The following DEPDC4 variants were observed in gnomAD, a reference collection of about 807,000 sequenced individuals.
DEPDC4 encodes the protein DEP domain-containing protein 4.
Under a neutral mutation model 52.0 loss-of-function variants are expected in DEPDC4, and 52 were observed. The observed-to-expected ratio is 1.00, with a 90% CI of 0.80 to 1.26. The LOEUF is 1.26. DEPDC4 is among the 50% of genes most tolerant of loss of function. The pLI is 0.00. For synonymous variants in DEPDC4, 201 were observed against 196.8 expected (o/e 1.02, Z -0.18); for missense variants, 530 against 546.9 (o/e 0.97, Z 0.31).
chr12:100,243,154 GTCTC>G (rs939925117), intron 8 of DEPDC4, among the ~76,000 whole-genome samples: 1 of 151,940 alleles, frequency 6.6e-6, no homozygotes, highest in Non-Finnish European at 1.5e-5. Flanking sequence ...TGTGAATGTG[GTCTC>G]TCTTTCTTAA....
chr12:100,242,756 A>G (rs2096165187), intron 8 of DEPDC4, among the ~76,000 whole-genome samples, 187 bp from the exon 9 acceptor site: 1 of 152,190 alleles, frequency 6.6e-6, no homozygotes, highest in South Asian at 2.1e-4. Flanking sequence ...GCATACTTCT[A>G]GCATTTCTTC....
the DEPDC4 span, among the ~76,000 whole-genome samples, chr12:100,281,268 A>T: frequency 6.6e-6 from 1 of 151,970 alleles, no homozygotes; most frequent in Non-Finnish European, 1.5e-5. Flanking sequence ...AGCTCAAGTG[A>T]TCCACCTCCA....
At position 100,241,535 on chromosome 12, in the gene DEPDC4, CAAAATA is replaced by C. The variant is rs142074372; in HGVS notation, c.*351_*356del. ...CAACATAATAGGACCCCTGTCTCTA[CAAAATA>C]AAAATAAAAAATAAAACACTTAAAA... On this transcript the variant is annotated 3_prime_UTR_variant, in exon 10 of 10. Coordinates refer to ENST00000550587, the MANE Select transcript of DEPDC4 (RefSeq NM_001364818.2). The C allele has an allele frequency of 6.5e-4, 386 of 590,608 alleles. 1 individual carries two copies. The African/African-American group carries it at 7.4e-3, about 11-fold the overall frequency. The allele number at this position is 590,608 out of a possible 1,614,324, so 36.6% of individuals were successfully genotyped here.
At chr12:100,281,746 A>G in the DEPDC4 span, among the ~76,000 whole-genome samples, 3 of 151,184 alleles carry the variant, frequency 2.0e-5, no homozygotes, top group Non-Finnish European at 4.4e-5. Flanking sequence ...AGGCAGGAGA[A>G]TGGCGTGAAC....
Position 100,253,570 on chromosome 12 carries a change from C to T in DEPDC4, c.1024G>A (p.Ala342Thr), listed in dbSNP as rs901799341. ...TCTCTCTCTTGAGCATAGTATTTTG[C>T]TATGACATCAAAGAGTATCTTCTTC... ...SQKKILFDVI[A>T]KYYAQERDCL... Residue 342 changes from alanine to threonine, a missense_variant, in exon 5 of 10, where the codon GCA becomes ACA. Transcript: ENST00000550587. The T allele has an allele frequency of 2.0e-5, 26 of 1,288,916 alleles. No individual in the cohort carries two copies. The highest frequency in any genetic ancestry group is 2.5e-5 in the Non-Finnish European group (25 of 988,414). The allele number at this position is 1,288,916 out of a possible 1,614,324, so 79.8% of individuals were successfully genotyped here.
At position 100,247,694 on chromosome 12, in the gene DEPDC4, A is replaced by G. The variant is rs559794098; in HGVS notation, c.1453+1206T>C. On this transcript the variant is annotated intron_variant, in intron 8 of 9. Transcript: ENST00000550587. Reference sequence around the variant, plus strand: ...AAAGATTCTAAGTACTAGTTTCAGAATACTTCATTAGTATCATTGTTTAAT... The same window carrying G: ...AAAGATTCTAAGTACTAGTTTCAGAGTACTTCATTAGTATCATTGTTTAAT... Among the ~76,000 whole-genome samples the G allele has an allele frequency of 2.0e-5, 3 of 152,344 alleles. No individual in the cohort carries two copies. In the South Asian group the frequency reaches 6.2e-4, roughly 32 times the overall value.
At chr12:100,251,690 C>T (rs2096208635) in intron 7 of DEPDC4, among the ~76,000 whole-genome samples, 2 of 152,132 alleles carry the variant, frequency 1.3e-5, no homozygotes, top group South Asian at 4.1e-4. Context: ...GCCTCAGCCT[C>T]CTGAGTAGCT....
intron 8 of DEPDC4, among the ~76,000 whole-genome samples, chr12:100,244,115 A>G (rs1371706703): frequency 8.6e-6 from 1 of 116,202 alleles, no homozygotes; most frequent in Non-Finnish European, 1.7e-5. Context: ...ATATATATAT[A>G]TATATATATA....
chr12:100,244,424 A>G (rs11613015), intron 8 of DEPDC4, among the ~76,000 whole-genome samples: 2,169 of 150,776 alleles, frequency 0.014, 19 homozygotes, highest in Non-Finnish European at 0.021. Flanking sequence ...CTTGTGATCC[A>G]CCCGCCTCGG....
rs2096260986 is a variant in DEPDC4 at position 100,263,477 on chromosome 12, G to A, written c.554+20C>T. ...TAGGGTCTAAATAAAATATATTACA[G>A]TATCTTAGGTAACACTAACCTCAAG... On this transcript the variant is annotated intron_variant, in intron 2 of 9. Transcript: ENST00000550587. The A allele has an allele frequency of 6.5e-7, 1 of 1,529,306 alleles. No homozygotes were observed. Among genetic ancestry groups the A allele is most frequent in the Non-Finnish European group, 8.8e-7 (1 of 1,140,598 alleles). The allele number at this position is 1,529,306 out of a possible 1,614,324, so 94.7% of individuals were successfully genotyped here.
At chr12:100,274,491 C>A in the DEPDC4 span, among the ~76,000 whole-genome samples, 1 of 152,136 alleles carries the variant, frequency 6.6e-6, no homozygotes, top group African/African-American at 2.4e-5. Flanking sequence ...GGCGTGGGTT[C>A]TTGTTGTTAT....
intron 8 of DEPDC4, among the ~76,000 whole-genome samples, chr12:100,247,202 T>TTTC: frequency 1.5e-5 from 1 of 68,218 alleles, no homozygotes; most frequent in Non-Finnish European, 3.1e-5. Context: ...CCCCTTAGTG[T>TTTC]TTTTTTTTTT....
chr12:100,251,710 G>C (rs1431497507), intron 7 of DEPDC4, among the ~76,000 whole-genome samples: 3 of 152,088 alleles, frequency 2.0e-5, no homozygotes, highest in African/African-American at 7.2e-5. Context: ...TGGGATTACA[G>C]GCACGCGCCA....
At chr12:100,272,749 T>C in the DEPDC4 span, among the ~76,000 whole-genome samples, 8 of 152,254 alleles carry the variant, frequency 5.3e-5, no homozygotes, top group East Asian at 1.5e-3. Context: ...CTTCTCTTGG[T>C]TTTAACTTGT....
At chr12:100,262,233 A>G (rs749951456) in intron 3 of DEPDC4, 31 bp downstream of exon 3, 2 of 1,592,872 alleles carry the variant, frequency 1.3e-6, no homozygotes, top group Admixed American at 1.9e-5. Context: ...CTTCCTTACC[A>G]TGTTCTGAAA....
At chr12:100,254,319 C>CTTTT (rs67921438) in intron 4 of DEPDC4, among the ~76,000 whole-genome samples, 31 of 89,400 alleles carry the variant, frequency 3.5e-4, no homozygotes, top group African/African-American at 4.2e-4. Flanking sequence ...TTTTTTTTGA[C>CTTTT]TTTTTTTTTT....
intron 3 of DEPDC4, among the ~76,000 whole-genome samples, chr12:100,256,494 C>T (rs1034618729): frequency 2.6e-5 from 4 of 152,026 alleles, no homozygotes. Context: ...TTAAGGCCAA[C>T]ATTAATTCTA....
intron 4 of DEPDC4, 108 bp downstream of exon 4, chr12:100,255,941 A>G (rs1464827871): frequency 5.6e-6 from 4 of 714,918 alleles, no homozygotes; most frequent in Non-Finnish European, 9.0e-6. Flanking sequence ...TAAAAGAGAG[A>G]TAGTATAAGC....
rs753532913 is a variant in DEPDC4, at chr12:100,256,205, A to G, written c.722T>C (p.Leu241Ser). The change falls in exon 4 of 10, where the codon TTA becomes TCA. Residue 241 changes from leucine to serine, a missense_variant. Leu to Ser is a moderately radical substitution (Grantham distance 145). Transcript: ENST00000550587. The part of the protein sequence containing the change: ...SKEDVWKEQT[L>S]LCLLQLIHLP... ...GTGAATCAATTGAAGAAGACATAAT[A>G]ATGTTTGTTCTTTCCAAACATCTTG... 5.6e-6 allele frequency: 9 copies of G among 1,611,996 alleles called. No individual in the cohort carries two copies. Among genetic ancestry groups the G allele is most frequent in the Middle Eastern group, 1.7e-4 (1 of 6,054 alleles).
Sources: gnomAD v4.1 joint callset for allele counts (sites outside exome capture counted in the v4.1 genomes callset) on GRCh38, gnomAD v4.1.1 for gene constraint, MANE v1.5 for transcripts, NCBI Gene and HGNC (gene_info 2026-07-23, HGNC 2026-07-21) for gene names.